The following DDC variants were observed in gnomAD, a reference collection of about 807,000 sequenced individuals.
DDC encodes aromatic-L-amino-acid decarboxylase.
DDC carries 43 observed loss-of-function variants against 60.0 expected under a neutral mutation model. The ratio of observed to expected loss-of-function variants is 0.72; its 90% CI spans 0.56 to 0.92. The LOEUF is 0.92. Ranked by LOEUF, DDC falls within the 40% of genes least tolerant of loss-of-function variation. The pLI is 0.00. For missense variants in DDC, 573 were observed against 620.2 expected (o/e 0.92, Z 0.81); for synonymous variants, 232 against 234.6 (o/e 0.99, Z 0.10).
intron 4 of DDC, among the ~76,000 whole-genome samples, chr7:50,530,184 G>T (rs1172619738): frequency 6.6e-6 from 1 of 152,156 alleles, no homozygotes; most frequent in African/African-American, 2.4e-5. Context: ...GAGCCTGGGA[G>T]GCGGAGGTTG....
At chr7:50,554,486 T>C (rs2045114655) in intron 1 of DDC, among the ~76,000 whole-genome samples, 1 of 152,186 alleles carries the variant, frequency 6.6e-6, no homozygotes, top group Admixed American at 6.5e-5. Context: ...GCTCCTTCCT[T>C]CCTCCCTTTC....
At chr7:50,484,281 T>C (rs568188561) in intron 9 of DDC, among the ~76,000 whole-genome samples, 7 of 152,222 alleles carry the variant, frequency 4.6e-5, no homozygotes, top group Non-Finnish European at 8.8e-5. Context: ...GTGTATTTTG[T>C]TACATTTCTT....
chr7:50,512,144 A>G (rs2043597354), intron 6 of DDC, among the ~76,000 whole-genome samples: 1 of 152,230 alleles, frequency 6.6e-6, no homozygotes, highest in Non-Finnish European at 1.5e-5. Context: ...TTTTCTGTAT[A>G]AGAAATGCAC....
chr7:50,503,074 A>G (rs77700376), intron 7 of DDC, among the ~76,000 whole-genome samples: 53 of 152,122 alleles, frequency 3.5e-4, no homozygotes, highest in African/African-American at 1.3e-3. Context: ...ACTATGGGTG[A>G]CTCTTGGGTT....
intron 9 of DDC, among the ~76,000 whole-genome samples, chr7:50,482,221 A>C (rs181240984): frequency 6.6e-6 from 1 of 152,236 alleles, no homozygotes. Flanking sequence ...ATCCTGGTCA[A>C]CGTTTAGTAT....
At chr7:50,500,403 C>T (rs911257676) in intron 7 of DDC, among the ~76,000 whole-genome samples, 4 of 152,098 alleles carry the variant, frequency 2.6e-5, no homozygotes, top group African/African-American at 9.7e-5. Context: ...ATGGGCTTTG[C>T]GGGGGACACA....
At chr7:50,516,884 A>G (rs1438193145) in intron 6 of DDC, among the ~76,000 whole-genome samples, 1 of 151,674 alleles carries the variant, frequency 6.6e-6, no homozygotes, top group African/African-American at 2.4e-5. Context: ...ATCAGGAAGA[A>G]TTAGATACCC....
At chr7:50,472,120 T>C (rs2042545960) in intron 11 of DDC, among the ~76,000 whole-genome samples, 1 of 152,172 alleles carries the variant, frequency 6.6e-6, no homozygotes, top group Admixed American at 6.5e-5. Flanking sequence ...AATATGCTCC[T>C]GGGTGCCTGC....
chr7:50,489,154 G>A (rs1398462627), intron 9 of DDC, among the ~76,000 whole-genome samples: 2 of 152,024 alleles, frequency 1.3e-5, no homozygotes, highest in Non-Finnish European at 2.9e-5. Flanking sequence ...TTACAGACAC[G>A]TGCCACCACA....
chr7:50,462,845 C>T (rs547615596), intron 14 of DDC, among the ~76,000 whole-genome samples: 12 of 147,572 alleles, frequency 8.1e-5, no homozygotes, highest in Admixed American at 2.7e-4. Flanking sequence ...TCTCGGCTCA[C>T]GGCAACCTCC....
At chr7:50,538,518 G>T (rs1219706365) in intron 3 of DDC, among the ~76,000 whole-genome samples, 3 of 152,302 alleles carry the variant, frequency 2.0e-5, no homozygotes, top group Non-Finnish European at 4.4e-5. Context: ...GCCTAGATGT[G>T]CACAGCAACA....
chr7:50,467,363 C>T (rs1025143209), intron 12 of DDC, 48 bp from the exon 13 acceptor site: 1 of 1,472,142 alleles, frequency 6.8e-7, no homozygotes, highest in African/African-American at 1.4e-5. Context: ...CCATTTAATT[C>T]AGAACTTAAC....
chr7:50,544,403 G>A (rs1190146676), intron 1 of DDC, among the ~76,000 whole-genome samples: 1 of 152,128 alleles, frequency 6.6e-6, no homozygotes, highest in East Asian at 1.9e-4. Flanking sequence ...TTTCATGATC[G>A]ATTCCAACTT....
intron 1 of DDC, among the ~76,000 whole-genome samples, chr7:50,563,319 C>T (rs2045378873): frequency 6.6e-6 from 1 of 152,144 alleles, no homozygotes; most frequent in Admixed American, 6.5e-5. Context: ...CATAATGCCA[C>T]TTAAGACACT....
chr7:50,515,101 G>A (rs1339712683), intron 6 of DDC, among the ~76,000 whole-genome samples: 1 of 152,026 alleles, frequency 6.6e-6, no homozygotes, highest in Non-Finnish European at 1.5e-5. Context: ...TCTTCACCTA[G>A]GCACATCAGA....
intron 9 of DDC, among the ~76,000 whole-genome samples, 175 bp downstream of exon 9, chr7:50,495,175 A>G (rs1313343143): frequency 6.6e-6 from 1 of 152,188 alleles, no homozygotes; most frequent in African/African-American, 2.4e-5. Flanking sequence ...TATTCCCTAG[A>G]TAAAAGTTTC....
chr7:50,545,565 C>T (rs887898479), intron 1 of DDC, among the ~76,000 whole-genome samples: 8 of 152,164 alleles, frequency 5.3e-5, no homozygotes, highest in African/African-American at 1.4e-4. Flanking sequence ...CTCTGCCTCC[C>T]GGGTTCAAGT....
intron 6 of DDC, among the ~76,000 whole-genome samples, chr7:50,519,554 A>G (rs772234919): frequency 6.6e-6 from 1 of 152,214 alleles, no homozygotes; most frequent in Non-Finnish European, 1.5e-5. Context: ...ATGGAATACT[A>G]CTCAGCCATA....
intron 1 of DDC, among the ~76,000 whole-genome samples, chr7:50,561,775 CT>C: frequency 6.6e-6 from 1 of 152,144 alleles, no homozygotes; most frequent in South Asian, 2.1e-4. Flanking sequence ...GGGGCCTGGG[CT>C]TTGCAGAGGA....
Sources: gnomAD v4.1 joint callset for allele counts (sites outside exome capture counted in the v4.1 genomes callset) on GRCh38, gnomAD v4.1.1 for gene constraint, MANE v1.5 for transcripts, NCBI Gene and HGNC (gene_info 2026-07-23, HGNC 2026-07-21) for gene names.